CNTN4: variants seen among roughly 807,000 people sequenced by gnomAD.
CNTN4 encodes contactin-4.
CNTN4 carries 77 observed loss-of-function variants against 122.5 expected under a neutral mutation model. That is an observed-to-expected ratio of 0.63 (90% CI 0.52 to 0.76). The LOEUF (loss-of-function observed/expected upper bound fraction) is 0.76. CNTN4 is among the 30% of genes least tolerant of loss of function. CNTN4 has a pLI of 0.00. For synonymous variants in CNTN4, 512 were observed against 447.0 expected, an observed-to-expected ratio of 1.15 and a Z score of -1.83; for missense variants, 1,256 against 1,259.1, an observed-to-expected ratio of 1.00 and a Z score of 0.04.
intron 7 of CNTN4, among the ~76,000 whole-genome samples, chr3:2,857,535 T>C (rs2093629467): frequency 6.6e-6 from 1 of 152,220 alleles, no homozygotes; most frequent in African/African-American, 2.4e-5. Context: ...ATGGCTTTAC[T>C]GGTTTGATGG....
intron 5 of CNTN4, among the ~76,000 whole-genome samples, chr3:2,738,429 G>A (rs7648792): frequency 0.56 from 84,976 of 151,838 alleles, 27,350 homozygotes; most frequent in Non-Finnish European, 0.74. Flanking sequence ...TTAGGCAGAC[G>A]GCAACCAAAA....
intron 2 of CNTN4, among the ~76,000 whole-genome samples, chr3:2,332,520 A>G (rs2043773903): frequency 6.6e-6 from 1 of 152,112 alleles, no homozygotes; most frequent in African/African-American, 2.4e-5. Flanking sequence ...TAGGGAGATC[A>G]GAAAATACCA....
At chr3:2,912,330 C>A (rs954021676) in intron 12 of CNTN4, among the ~76,000 whole-genome samples, 9 of 152,270 alleles carry the variant, frequency 5.9e-5, no homozygotes, top group African/African-American at 9.6e-5. Flanking sequence ...ATACTATATC[C>A]GGTAAAACTG....
chr3:2,169,551 C>CA (rs1559306562), intron 2 of CNTN4, among the ~76,000 whole-genome samples: 23 of 103,598 alleles, frequency 2.2e-4, no homozygotes, highest in Admixed American at 5.7e-4. Context: ...GGACTACAGG[C>CA]GCCGCCACCA....
At chr3:2,103,428 A>G (rs956031443) in intron 2 of CNTN4, among the ~76,000 whole-genome samples, 1 of 152,168 alleles carries the variant, frequency 6.6e-6, no homozygotes, top group Non-Finnish European at 1.5e-5. Context: ...TCACCACTAC[A>G]ACTGCTCTTT....
intron 4 of CNTN4, among the ~76,000 whole-genome samples, chr3:2,623,181 G>T (rs2082055292): frequency 6.6e-6 from 1 of 151,742 alleles, no homozygotes; most frequent in Non-Finnish European, 1.5e-5. Context: ...ATTCTGGTGG[G>T]CCTGCAAATA....
intron 2 of CNTN4, among the ~76,000 whole-genome samples, chr3:2,243,992 G>A (rs2040042752): frequency 6.6e-6 from 1 of 151,962 alleles, no homozygotes. Context: ...CCTAATTTGT[G>A]CATTTTAAGT....
intron 14 of CNTN4, among the ~76,000 whole-genome samples, chr3:3,020,009 G>A (rs1166832849): frequency 1.3e-5 from 2 of 151,854 alleles, no homozygotes; most frequent in Non-Finnish European, 2.9e-5. Context: ...ACAAAATGTG[G>A]CCTTATAAGA....
At chr3:2,540,231 G>A (rs183914685) in intron 3 of CNTN4, among the ~76,000 whole-genome samples, 5 of 151,962 alleles carry the variant, frequency 3.3e-5, no homozygotes, top group African/African-American at 1.2e-4. Flanking sequence ...TTCCTTTTGT[G>A]ATTAATAACA....
In CNTN4 at chr3:2,954,590, A is replaced by C. The variant is rs140958207; in HGVS notation, c.1358+28811A>C. On this transcript the variant is annotated intron_variant, in intron 13 of 24. Coordinates refer to ENST00000418658, the MANE Select transcript of CNTN4 (RefSeq NM_175607.3). ...AAATCAATAGAGCCAACAATCTCTG[A>C]TTTTTCTCTCCCCCTTTCACTGAGG... is the stretch of plus-strand genomic sequence containing the variant. Among the ~76,000 whole-genome samples the C allele has an allele frequency of 7.7e-4, 116 of 151,384 alleles. 1 individual carries two copies. In the East Asian group the frequency reaches 0.018, roughly 24 times the overall value.
intron 3 of CNTN4, among the ~76,000 whole-genome samples, chr3:2,479,007 T>A (rs1329723711): frequency 2.0e-5 from 3 of 152,178 alleles, no homozygotes; most frequent in Non-Finnish European, 4.4e-5. Context: ...AAGCTTATCT[T>A]AACTGCATAT....
intron 3 of CNTN4, among the ~76,000 whole-genome samples, chr3:2,482,777 A>T (rs1280007360): frequency 6.6e-6 from 1 of 152,224 alleles, no homozygotes; most frequent in Non-Finnish European, 1.5e-5. Flanking sequence ...GGTCCTCTGT[A>T]TACACAGAAG....
chr3:2,450,245 T>TAC (rs1347314106), intron 3 of CNTN4, among the ~76,000 whole-genome samples: 1 of 152,052 alleles, frequency 6.6e-6, no homozygotes, highest in Non-Finnish European at 1.5e-5. Flanking sequence ...CACATACCTG[T>TAC]AGTCCCAGCT....
At chr3:3,041,717 T>C (rs911504465) in intron 20 of CNTN4, among the ~76,000 whole-genome samples, 2 of 152,182 alleles carry the variant, frequency 1.3e-5, no homozygotes, top group African/African-American at 4.8e-5. Context: ...ATCCCAGCAC[T>C]TTGGGAGGGG....
chr3:2,953,292 T>C (rs780702612), intron 13 of CNTN4, among the ~76,000 whole-genome samples: 17 of 152,296 alleles, frequency 1.1e-4, no homozygotes, highest in Non-Finnish European at 1.9e-4. Context: ...CCTTTGTGAA[T>C]GTTAATTCCC....
chr3:2,633,042 A>G (rs1307926645), intron 4 of CNTN4, among the ~76,000 whole-genome samples: 6 of 150,418 alleles, frequency 4.0e-5, no homozygotes, highest in Non-Finnish European at 4.4e-5. Flanking sequence ...TATATATACA[A>G]TCTAAGGTTG....
intron 4 of CNTN4, among the ~76,000 whole-genome samples, chr3:2,733,586 T>C (rs144977818): frequency 0.031 from 4,510 of 145,476 alleles, 82 homozygotes; most frequent in Non-Finnish European, 0.045. Context: ...TGGGCTGGAG[T>C]TCAGTGGTGT....
intron 2 of CNTN4, among the ~76,000 whole-genome samples, chr3:2,202,737 A>G (rs2038155954): frequency 6.6e-6 from 1 of 152,142 alleles, no homozygotes; most frequent in Admixed American, 6.6e-5. Flanking sequence ...TTTAAATGTA[A>G]CTTACTGACC....
intron 14 of CNTN4, chr3:3,009,039 A>G: frequency 1.0e-6 from 1 of 985,414 alleles, no homozygotes; most frequent in Non-Finnish European, 1.2e-6. Context: ...GCCTGGTGTT[A>G]TTAGCACAGT....
Sources: gnomAD v4.1 joint callset for allele counts (sites outside exome capture counted in the v4.1 genomes callset) on GRCh38, gnomAD v4.1.1 for gene constraint, MANE v1.5 for transcripts, NCBI Gene and HGNC (gene_info 2026-07-23, HGNC 2026-07-21) for gene names.